PPP1CC: variants seen among roughly 807,000 people sequenced by gnomAD.
The protein encoded by PPP1CC is serine/threonine-protein phosphatase PP1-gamma catalytic subunit.
Under a neutral mutation model 38.4 loss-of-function variants are expected in PPP1CC, and 16 were observed. The observed-to-expected ratio is 0.42, with a 90% CI of 0.28 to 0.63. The LOEUF is 0.63. PPP1CC is among the 30% of genes least tolerant of loss of function. The probability of loss-of-function intolerance (pLI) is 0.25; values close to 1 mark genes in which losing one functional copy is unlikely to be tolerated. For synonymous variants in PPP1CC, 158 were observed against 136.0 expected, an observed-to-expected ratio of 1.16 and a Z score of -1.13; for missense variants, 170 against 391.3, an observed-to-expected ratio of 0.43 and a Z score of 4.77.
chr12:110,722,299 A>G lies in PPP1CC; in HGVS notation c.748-30T>C. On this transcript the variant is annotated intron_variant, in intron 5 of 6. Transcript: ENST00000335007. This position sits in a 1 kb window ranked among gnomAD's most constrained non-coding sequence, Gnocchi z 5.4. The stretch of plus-strand genomic sequence containing the variant: ...AAGAGAAAATTTTTTCAATATAAAT[A>G]GGTGCAAATATTAGGTGAGTAAAAC... 2 of 1,609,014 alleles carry G rather than the reference A, an allele frequency of 1.2e-6. No individual in the cohort carries two copies. The highest frequency in any genetic ancestry group is 2.2e-5 in the East Asian group (1 of 44,844).
At chr12:110,719,141 G>T (rs112570810), downstream of PPP1CC, among the ~76,000 whole-genome samples, 224 of 152,228 alleles carry the variant, frequency 1.5e-3, 1 homozygote, top group African/African-American at 5.1e-3. Context: ...ATCATTCACT[G>T]TTTTCTTCCT....
chr12:110,722,792 A>C lies in PPP1CC; in HGVS notation c.524-97T>G. On this transcript the variant is annotated intron_variant, in intron 4 of 6. Transcript: ENST00000335007. The surrounding 1 kb of genome is among the most constrained non-coding windows in gnomAD (Gnocchi z 5.4). ...CATTTGTCTACAGAGAAATTCAATA[A>C]TCCTGACATAAAAACTGAAATCTAT... The C allele has an allele frequency of 2.2e-6, 2 of 900,606 alleles. No homozygotes were observed. Among genetic ancestry groups the C allele is most frequent in the Non-Finnish European group, 3.3e-6 (2 of 610,850 alleles). The allele number at this position is 900,606 out of a possible 1,614,324, so 55.8% of individuals were successfully genotyped here. A position where few individuals can be genotyped will look rare whatever the true frequency, so the allele number is the denominator to read the frequency against.
chr12:110,728,762 G>C (rs1249981470), intron 3 of PPP1CC, among the ~76,000 whole-genome samples: 1 of 152,190 alleles, frequency 6.6e-6, no homozygotes, highest in African/African-American at 2.4e-5. Context: ...AGAACCCATA[G>C]AATTTTTGTC....
the PPP1CC span, among the ~76,000 whole-genome samples, chr12:110,710,746 T>G: frequency 1.0e-4 from 9 of 86,166 alleles, no homozygotes; most frequent in Non-Finnish European, 7.0e-5. Flanking sequence ...AAAAAAAAAA[T>G]GCTTGCTGGG....
chr12:110,737,043 C>A (rs1413838462), intron 1 of PPP1CC, among the ~76,000 whole-genome samples: 1 of 152,080 alleles, frequency 6.6e-6, no homozygotes, highest in Admixed American at 6.6e-5. Context: ...TCAGTGAAAT[C>A]AATAGCCTCA....
chr12:110,717,041 A>T (rs2069692936), downstream of PPP1CC, among the ~76,000 whole-genome samples: 1 of 152,224 alleles, frequency 6.6e-6, no homozygotes. Context: ...AAGTTTTCCT[A>T]ATCAAAGTTC....
Position 110,730,536 on chromosome 12 carries a change from A to G in PPP1CC, c.411T>C (p.Tyr137=). Residue 137 remains tyrosine (Y), a synonymous_variant, in exon 3 of 7, where the codon TAT becomes TAC. Coordinates refer to ENST00000335007, the MANE Select transcript of PPP1CC (RefSeq NM_002710.4). ...ATATAGAAAAGTACTTACATTCATC[A>G]TAAAATCCATAAATTCTGTTGATGC... ...CASINRIYGF[Y]DECKRRYNIK... 1 of 1,603,268 alleles carries G rather than the reference A, an allele frequency of 6.2e-7. No homozygotes were observed. Among genetic ancestry groups the G allele is most frequent in the Non-Finnish European group, 8.5e-7 (1 of 1,174,572 alleles).
chr12:110,732,220 G>A (rs1273742812), intron 1 of PPP1CC: 2 of 425,268 alleles, frequency 4.7e-6, no homozygotes, highest in African/African-American at 4.1e-5. Flanking sequence ...ACTTTGGGAG[G>A]GTGAGGCGGG....
the PPP1CC span, among the ~76,000 whole-genome samples, chr12:110,710,655 T>G: frequency 2.8e-5 from 4 of 142,898 alleles, no homozygotes; most frequent in Non-Finnish European, 6.0e-5. Flanking sequence ...GGGGCAGAGC[T>G]TGCAGTGAGC....
rs764554086 is a variant in PPP1CC at position 110,722,363 on chromosome 12, C to G, written c.748-94G>C. 3.2e-6 allele frequency: 5 copies of G among 1,560,600 alleles called. No homozygotes were observed. The highest frequency in any genetic ancestry group is 4.4e-6 in the Non-Finnish European group (5 of 1,137,862). On this transcript the variant is annotated intron_variant, in intron 5 of 6. Coordinates refer to ENST00000335007, the MANE Select transcript of PPP1CC (RefSeq NM_002710.4). The surrounding 1 kb of genome is among the most constrained non-coding windows in gnomAD (Gnocchi z 5.4). ...CCCATTGAGCCTGATATCTTGTGTT[C>G]CAGAAACACTTTGTATAAATAAGCA...
chr12:110,732,093 G>C (rs1566086304), intron 1 of PPP1CC, 192 bp from the exon 2 acceptor site: 4 of 616,110 alleles, frequency 6.5e-6, no homozygotes, highest in Non-Finnish European at 1.1e-5. Context: ...TTGCATCTTC[G>C]ATACCAAGTA....
rs2069943412 is a variant in PPP1CC, at chr12:110,736,239, T to C, written c.56-4338A>G. On this transcript the variant is annotated intron_variant, in intron 1 of 6. Coordinates refer to ENST00000335007, the MANE Select transcript of PPP1CC (RefSeq NM_002710.4). ...GTATTATTACTGTTAAAAGCGAAGG[T>C]TGCTCTGTAGAAATGTATCTGATCT... Among the ~76,000 whole-genome samples, 2 of 152,228 alleles carry C rather than the reference T, an allele frequency of 1.3e-5. 1 individual carries two copies. The highest frequency in any genetic ancestry group is 4.1e-4 in the South Asian group (2 of 4,834).
At chr12:110,735,075 G>A (rs2069927837) in intron 1 of PPP1CC, 1 of 146,988 alleles carries the variant, frequency 6.8e-6, no homozygotes, top group African/African-American at 2.5e-5. Context: ...CTTTTTTTGA[G>A]ATGGAGTCTC....
the PPP1CC span, among the ~76,000 whole-genome samples, chr12:110,712,227 T>C: frequency 5.9e-5 from 9 of 151,940 alleles, no homozygotes; most frequent in South Asian, 2.1e-4. Flanking sequence ...AATGATGAAA[T>C]TGCCTAATGA....
the PPP1CC span, among the ~76,000 whole-genome samples, chr12:110,710,595 G>A: frequency 4.4e-4 from 67 of 151,720 alleles, 2 homozygotes; most frequent in East Asian, 0.01. Flanking sequence ...GTGGGTGCCT[G>A]TAGTCCCAGC....
intron 1 of PPP1CC, chr12:110,732,507 G>A (rs1482451498): frequency 1.3e-5 from 2 of 152,350 alleles, no homozygotes; most frequent in African/African-American, 4.8e-5. Context: ...TCCTCCTGAG[G>A]ATCTCTGATT....
downstream of PPP1CC, among the ~76,000 whole-genome samples, chr12:110,717,534 C>CA (rs1400873202): frequency 6.6e-6 from 1 of 152,156 alleles, no homozygotes; most frequent in Non-Finnish European, 1.5e-5. Context: ...ACTGGGACTA[C>CA]ATGCGCCCAT....
chr12:110,742,848 C>A lies in PPP1CC; in HGVS notation c.-141G>T. 1.9e-6 allele frequency: 1 copy of A among 517,464 alleles called. No homozygotes were observed. Among genetic ancestry groups the A allele is most frequent in the South Asian group, 6.1e-5 (1 of 16,460 alleles). The allele number at this position is 517,464 out of a possible 1,614,324, so 32.1% of individuals were successfully genotyped here. ...GCGGCGGGTCCCCCCCCTGCCACCCCGCTCCCTACTTCCTCCTTCTCTCCC... is the reference window on the plus strand; with the variant it reads ...GCGGCGGGTCCCCCCCCTGCCACCCAGCTCCCTACTTCCTCCTTCTCTCCC... On this transcript the variant is annotated 5_prime_UTR_variant, in exon 1 of 7. Coordinates refer to ENST00000335007, the MANE Select transcript of PPP1CC (RefSeq NM_002710.4).
At chr12:110,730,469 T>C (rs1043305820) in intron 3 of PPP1CC, 60 bp downstream of exon 3, 5 of 1,260,308 alleles carry the variant, frequency 4.0e-6, no homozygotes, top group Admixed American at 2.1e-5. Context: ...TATGTGATAA[T>C]TGTTTATGAT....
Sources: gnomAD v4.1 joint callset for allele counts (sites outside exome capture counted in the v4.1 genomes callset) on GRCh38, gnomAD v4.1.1 for gene constraint, Gnocchi (gnomAD v3.1) non-coding constraint, MANE v1.5 for transcripts, NCBI Gene and HGNC (gene_info 2026-07-23, HGNC 2026-07-21) for gene names.